Variants in SHB observed in about 807,000 individuals in gnomAD.
The protein encoded by SHB is SH2 domain-containing adapter protein B.
A neutral mutation model predicts 52.3 loss-of-function variants in SHB; 20 were observed. The ratio of observed to expected loss-of-function variants is 0.38; its 90% CI spans 0.27 to 0.56. The LOEUF is 0.56. Ranked by LOEUF, SHB falls within the 20% of genes least tolerant of loss-of-function variation. The probability of loss-of-function intolerance (pLI) is 0.71; values close to 1 mark genes in which losing one functional copy is unlikely to be tolerated. For missense variants in SHB, 825 were observed against 723.3 expected (o/e 1.14, Z -1.61); for synonymous variants, 397 against 316.5 (o/e 1.25, Z -2.70).
intron 1 of SHB, among the ~76,000 whole-genome samples, 167 bp from the exon 2 acceptor site, chr9:38,016,298 G>T (rs1357544574): frequency 6.6e-6 from 1 of 152,236 alleles, no homozygotes; most frequent in Non-Finnish European, 1.5e-5. Context: ...CAGGGGTAAC[G>T]AATGGGACCC....
chr9:37,916,747 C>T lies in SHB; in HGVS notation c.*3074G>A, dbSNP rs1587186746. 6.6e-6 allele frequency among the ~76,000 whole-genome samples: 1 copy of T among 152,168 alleles called. No homozygotes were observed. Among genetic ancestry groups the T allele is most frequent in the Non-Finnish European group, 1.5e-5 (1 of 68,026 alleles). ...CTGACTTCAGGACGGGACTGGCAGGCGGTGGGGCCCTCTTCCCCTACAAAG... is the reference window on the plus strand; with the variant it reads ...CTGACTTCAGGACGGGACTGGCAGGTGGTGGGGCCCTCTTCCCCTACAAAG... On this transcript the variant is annotated 3_prime_UTR_variant, in exon 6 of 6. Transcript: ENST00000377707.
chr9:37,989,164 T>C (rs1254395519), intron 2 of SHB, among the ~76,000 whole-genome samples: 2 of 152,176 alleles, frequency 1.3e-5, no homozygotes, highest in African/African-American at 4.8e-5. Flanking sequence ...GGACAGCCCT[T>C]TCCCCACATG....
intron 2 of SHB, among the ~76,000 whole-genome samples, chr9:37,992,489 G>T (rs1389025703): frequency 1.3e-5 from 2 of 152,340 alleles, no homozygotes; most frequent in African/African-American, 2.4e-5. Flanking sequence ...TTGGGGCTAG[G>T]TAAGTGTGTC....
chr9:38,016,025 T>G lies in SHB; in HGVS notation c.824A>C (p.Gln275Pro), dbSNP rs766022857. Reference protein sequence around the residue: ...SAGYMEPYEAQRIMTEFQRQE... With the variant: ...SAGYMEPYEAPRIMTEFQRQE... ...GCTCCACTTACCTGTCATGATCCTC[T>G]GTGCCTCATAGGGCTCCATGTAGCC... The change falls in exon 2 of 6, where the codon CAG (glutamine) becomes CCG (proline). Residue 275 changes from glutamine to proline, a missense_variant. Gln to Pro is a moderately conservative substitution (Grantham distance 76). Transcript: ENST00000377707. 1.2e-6 allele frequency: 2 copies of G among 1,614,200 alleles called. No homozygotes were observed. Among genetic ancestry groups the G allele is most frequent in the Admixed American group, 3.3e-5 (2 of 60,030 alleles).
intron 1 of SHB, among the ~76,000 whole-genome samples, chr9:38,033,108 G>C (rs1441201354): frequency 6.6e-6 from 1 of 152,212 alleles, no homozygotes; most frequent in East Asian, 1.9e-4. Context: ...AGCTGAATTA[G>C]AAAACCAAGC....
intron 4 of SHB, among the ~76,000 whole-genome samples, 185 bp downstream of exon 4, chr9:37,955,698 C>T (rs1832622630): frequency 6.6e-6 from 1 of 151,916 alleles, no homozygotes; most frequent in African/African-American, 2.4e-5. Flanking sequence ...CTATGTTGTC[C>T]AGGCTGGTCT....
At chr9:37,996,474 A>G (rs1220313384) in intron 2 of SHB, among the ~76,000 whole-genome samples, 1 of 152,204 alleles carries the variant, frequency 6.6e-6, no homozygotes. Context: ...TGTACATAGG[A>G]GCCCAGAGCC....
At chr9:37,985,482 T>G (rs1200549273) in intron 2 of SHB, among the ~76,000 whole-genome samples, 3 of 152,250 alleles carry the variant, frequency 2.0e-5, no homozygotes, top group African/African-American at 7.2e-5. Context: ...TGACTGCCTT[T>G]GCGTGCGGAG....
intron 1 of SHB, among the ~76,000 whole-genome samples, chr9:38,016,947 G>A (rs1410272180): frequency 6.6e-6 from 1 of 152,230 alleles, no homozygotes; most frequent in Non-Finnish European, 1.5e-5. Flanking sequence ...CAAAGAGTGA[G>A]TCACCTGGGG....
intron 1 of SHB, among the ~76,000 whole-genome samples, chr9:38,021,526 G>A (rs1402159369): frequency 6.6e-6 from 1 of 151,876 alleles, no homozygotes; most frequent in Non-Finnish European, 1.5e-5. Context: ...AAATTAGCTG[G>A]GCGTGGTGGT....
At position 37,917,919 on chromosome 9, in the gene SHB, G is replaced by A. The variant is rs1832121658; in HGVS notation, c.*1902C>T. Among the ~76,000 whole-genome samples the A allele has an allele frequency of 6.6e-6, 1 of 152,242 alleles. No homozygotes were observed. The highest frequency in any genetic ancestry group is 6.5e-5 in the Admixed American group (1 of 15,290). On this transcript the variant is annotated 3_prime_UTR_variant, in exon 6 of 6. Coordinates refer to ENST00000377707, the MANE Select transcript of SHB (RefSeq NM_003028.3). ...GGTCACTAAAGGCGGGTCACCAAGGGCAGGGCTTTGCACAAACCGCTGAAG... is the reference window on the plus strand; with the variant it reads ...GGTCACTAAAGGCGGGTCACCAAGGACAGGGCTTTGCACAAACCGCTGAAG...
chr9:37,948,778 C>T, intron 4 of SHB, 24 bp from the exon 5 acceptor site: 1 of 1,612,892 alleles, frequency 6.2e-7, no homozygotes, highest in Non-Finnish European at 8.5e-7. Context: ...AGAGAGTGGT[C>T]AGAGCCCAGC....
In SHB at chr9:37,918,819, C is replaced by T. The variant is rs1832137511; in HGVS notation, c.*1002G>A. On this transcript the variant is annotated 3_prime_UTR_variant, in exon 6 of 6. Transcript: ENST00000377707. ...GGGGTTGGGGGGGTGTCAACACAGA[C>T]GTCCCACTGCAGGAGGGAAAGACTG... Among the ~76,000 whole-genome samples the T allele has an allele frequency of 6.6e-6, 1 of 152,146 alleles. No individual in the cohort carries two copies. Among genetic ancestry groups the T allele is most frequent in the Non-Finnish European group, 1.5e-5 (1 of 68,024 alleles).
chr9:37,990,530 C>T (rs1461915308), intron 2 of SHB, among the ~76,000 whole-genome samples: 1 of 151,940 alleles, frequency 6.6e-6, no homozygotes. Flanking sequence ...GCACAGAAAA[C>T]AAATGTTTAA....
chr9:38,039,116 C>T (rs79094619), intron 1 of SHB, among the ~76,000 whole-genome samples: 1,791 of 152,274 alleles, frequency 0.012, 13 homozygotes, highest in Non-Finnish European at 0.016. Flanking sequence ...TTTTCTTCCC[C>T]GGAAAAATGT....
chr9:38,010,448 G>A (rs1042401686), intron 2 of SHB, among the ~76,000 whole-genome samples: 1 of 152,120 alleles, frequency 6.6e-6, no homozygotes, highest in Admixed American at 6.5e-5. Context: ...ACATGCTCTT[G>A]CCCCATGAGA....
At chr9:37,993,626 T>C (rs1820910841) in intron 2 of SHB, among the ~76,000 whole-genome samples, 1 of 152,184 alleles carries the variant, frequency 6.6e-6, no homozygotes, top group South Asian at 2.1e-4. Flanking sequence ...ATTGAGTTTG[T>C]GTTAATGTAA....
Position 37,948,724 on chromosome 9 carries a change from G to T in SHB, c.1257C>A (p.Asp419Glu). 1 of 1,613,846 alleles carries T rather than the reference G, an allele frequency of 6.2e-7. No homozygotes were observed. The highest frequency in any genetic ancestry group is 2.2e-5 in the East Asian group (1 of 44,870). The change falls in exon 5 of 6, where the codon GAC (aspartate) becomes GAA (glutamate). Residue 419 changes from aspartate to glutamate, a missense_variant. By Grantham distance (45) the Asp-to-Glu change is conservative (BLOSUM62 2). Coordinates refer to ENST00000377707, the MANE Select transcript of SHB (RefSeq NM_003028.3). ...IWYHGAISRG[D>E]AENLLRLCKE... ...TGCAGAGTCGCAGCAGGTTCTCGGC[G>T]TCTCCTCTGCTGATGGCTCCGTGAT...
Position 37,943,844 on chromosome 9 carries a change from G to C in SHB, c.1346+4791C>G, listed in dbSNP as rs895768083. The stretch of plus-strand genomic sequence containing the variant: ...TCCCTCATCTTGTCCACATTCCTTT[G>C]CAAAAACTCACCAAACCAGAACTTG... On this transcript the variant is annotated intron_variant, in intron 5 of 5. Coordinates refer to ENST00000377707, the MANE Select transcript of SHB (RefSeq NM_003028.3). Among the ~76,000 whole-genome samples, 10 of 152,282 alleles carry C rather than the reference G, an allele frequency of 6.6e-5. No individual in the cohort carries two copies. In the East Asian group the frequency reaches 1.7e-3, roughly 26 times the overall value.
Sources: gnomAD v4.1 joint callset for allele counts (sites outside exome capture counted in the v4.1 genomes callset) on GRCh38, gnomAD v4.1.1 for gene constraint, MANE v1.5 for transcripts, NCBI Gene and HGNC (gene_info 2026-07-23, HGNC 2026-07-21) for gene names.